Variants in SPATA17 observed in about 807,000 individuals in gnomAD.
The protein encoded by SPATA17 is spermatogenesis associated 17.
A neutral mutation model predicts 62.2 loss-of-function variants in SPATA17; 53 were observed. The observed-to-expected ratio is 0.85, with a 90% CI of 0.68 to 1.07. The LOEUF (loss-of-function observed/expected upper bound fraction) is 1.07, where lower values mean the gene tolerates loss of function less well. Ranked by LOEUF, SPATA17 falls within the 50% of genes least tolerant of loss-of-function variation. SPATA17 has a pLI of 0.00. For missense variants in SPATA17, 466 were observed against 425.5 expected (o/e 1.10, Z -0.84); for synonymous variants, 146 against 146.8 (o/e 0.99, Z 0.04).
At chr1:217,741,860 G>A in intron 5 of SPATA17, 115 bp from the exon 6 acceptor site, 1 of 1,119,900 alleles carries the variant, frequency 8.9e-7, no homozygotes, top group Non-Finnish European at 1.3e-6. Context: ...TTACACCACT[G>A]ATTTGGATGG....
intron 1 of SPATA17, among the ~76,000 whole-genome samples, chr1:217,643,170 T>C (rs751078185): frequency 7.9e-5 from 12 of 151,728 alleles, no homozygotes; most frequent in South Asian, 6.2e-4. Context: ...ACGTTCATTC[T>C]AGTTTTTTTC....
intron 10 of SPATA17, among the ~76,000 whole-genome samples, chr1:217,864,216 A>G (rs193098542): frequency 6.6e-6 from 1 of 152,308 alleles, no homozygotes; most frequent in Non-Finnish European, 1.5e-5. Flanking sequence ...AGTAATGTAA[A>G]TAAAATGTCT....
intron 6 of SPATA17, among the ~76,000 whole-genome samples, chr1:217,766,564 G>A (rs1320036716): frequency 1.3e-5 from 2 of 151,500 alleles, no homozygotes; most frequent in Non-Finnish European, 1.5e-5. Context: ...CCTCATAATT[G>A]AATACCTTGA....
Position 217,735,877 on chromosome 1 carries a change from G to A in SPATA17, c.396-6098G>A, listed in dbSNP as rs186339256. 2.0e-5 allele frequency among the ~76,000 whole-genome samples: 3 copies of A among 151,840 alleles called. No individual in the cohort carries two copies. In the East Asian group the frequency reaches 5.8e-4, roughly 29 times the overall value. On this transcript the variant is annotated intron_variant, in intron 5 of 10. Coordinates refer to ENST00000366933, the MANE Select transcript of SPATA17 (RefSeq NM_138796.4). ...TTATGGTGAACAAAGCATTTAATGA[G>A]TATACTGAGCAAATATTGAACTGTA...
intron 1 of SPATA17, among the ~76,000 whole-genome samples, chr1:217,647,724 A>AT (rs1670218294): frequency 2.0e-5 from 3 of 149,720 alleles, no homozygotes; most frequent in African/African-American, 7.6e-5. Context: ...CTCTTTTTAA[A>AT]ATTTTTTTTT....
intron 5 of SPATA17, among the ~76,000 whole-genome samples, chr1:217,719,979 C>T (rs1470985616): frequency 6.6e-6 from 1 of 152,148 alleles, no homozygotes; most frequent in Non-Finnish European, 1.5e-5. Context: ...AAGGACCTAC[C>T]TTTGTTGGAG....
intron 6 of SPATA17, among the ~76,000 whole-genome samples, chr1:217,765,450 TTGA>T (rs1313529972): frequency 6.6e-6 from 1 of 151,926 alleles, no homozygotes; most frequent in Non-Finnish European, 1.5e-5. Flanking sequence ...CTCACAAATG[TTGA>T]TAAGCTATAT....
intron 1 of SPATA17, 84 bp downstream of exon 1, chr1:217,631,530 T>C: frequency 7.2e-7 from 1 of 1,397,304 alleles, no homozygotes; most frequent in African/African-American, 1.4e-5. Flanking sequence ...CAATTAACGA[T>C]TTAACGATTA....
At chr1:217,650,263 A>G (rs1670280219) in intron 2 of SPATA17, among the ~76,000 whole-genome samples, 1 of 151,962 alleles carries the variant, frequency 6.6e-6, no homozygotes, top group South Asian at 2.1e-4. Flanking sequence ...TTTGGCCACT[A>G]TATAAACTAA....
chr1:217,671,734 C>T (rs542746965), intron 4 of SPATA17, among the ~76,000 whole-genome samples: 7 of 152,170 alleles, frequency 4.6e-5, no homozygotes, highest in Admixed American at 2.0e-4. Context: ...GTGAGGGGAG[C>T]GAAGACTTAG....
chr1:217,642,629 T>A (rs1023015762), intron 1 of SPATA17, among the ~76,000 whole-genome samples: 3 of 152,150 alleles, frequency 2.0e-5, no homozygotes, highest in African/African-American at 7.2e-5. Flanking sequence ...GGGGGCGGTT[T>A]CCTCCGTGCT....
At chr1:217,777,406 C>T (rs920972789) in intron 7 of SPATA17, among the ~76,000 whole-genome samples, 9 of 151,858 alleles carry the variant, frequency 5.9e-5, no homozygotes, top group African/African-American at 1.2e-4. Flanking sequence ...TATTTATATC[C>T]GTATTCTTTT....
chr1:217,824,830 G>A (rs984232562), intron 9 of SPATA17, among the ~76,000 whole-genome samples: 19 of 150,936 alleles, frequency 1.3e-4, no homozygotes, highest in African/African-American at 4.1e-4. Context: ...ATGTATCCCT[G>A]CTGTAGACTA....
At chr1:217,748,119 C>G (rs571460778) in intron 6 of SPATA17, among the ~76,000 whole-genome samples, 1 of 151,856 alleles carries the variant, frequency 6.6e-6, no homozygotes, top group South Asian at 2.1e-4. Context: ...CTGGCTAACA[C>G]AGTGAAACCC....
At chr1:217,723,049 A>G (rs891024651) in intron 5 of SPATA17, among the ~76,000 whole-genome samples, 10 of 152,156 alleles carry the variant, frequency 6.6e-5, no homozygotes, top group Admixed American at 6.5e-4. Flanking sequence ...TCTTCCACAT[A>G]TAGACCCAGG....
In SPATA17 at chr1:217,816,616, A is replaced by G. The variant is rs114889551; in HGVS notation, c.1005+14766A>G. Among the ~76,000 whole-genome samples, 193 of 152,126 alleles carry G rather than the reference A, an allele frequency of 1.3e-3. 2 individuals carry two copies. The highest frequency in any genetic ancestry group is 4.2e-3 in the African/African-American group (173 of 41,574). ...AAGTTTGCTATTGGATACATAATAT[A>G]CATACACACAATTGTAACTACTTGA... On this transcript the variant is annotated intron_variant, in intron 9 of 10. Coordinates refer to ENST00000366933, the MANE Select transcript of SPATA17 (RefSeq NM_138796.4).
intron 8 of SPATA17, among the ~76,000 whole-genome samples, chr1:217,798,680 G>C (rs898645048): frequency 2.0e-5 from 3 of 152,134 alleles, no homozygotes; most frequent in African/African-American, 7.2e-5. Flanking sequence ...TCCAAAGAGA[G>C]AGCCAGTGTA....
chr1:217,724,130 T>C (rs1181795280), intron 5 of SPATA17, among the ~76,000 whole-genome samples: 1 of 152,250 alleles, frequency 6.6e-6, no homozygotes, highest in East Asian at 1.9e-4. Flanking sequence ...ATAGTATACA[T>C]GTATGTCCAT....
intron 3 of SPATA17, among the ~76,000 whole-genome samples, chr1:217,663,861 A>C (rs1670623251): frequency 6.6e-6 from 1 of 152,170 alleles, no homozygotes. Context: ...CAAAATGCTC[A>C]ACAATAAAGG....
Sources: allele counts gnomAD v4.1 joint callset (sites outside exome capture counted in the v4.1 genomes callset), GRCh38; gene constraint gnomAD v4.1.1; transcripts MANE v1.5; gene names NCBI Gene and HGNC (gene_info 2026-07-23, HGNC 2026-07-21).